The following ANK3 variants were observed in gnomAD, a reference collection of about 807,000 sequenced individuals.
ANK3 encodes ankyrin-3.
Under a neutral mutation model 370.9 loss-of-function variants are expected in ANK3, and 57 were observed. The observed-to-expected ratio is 0.15, with a 90% CI of 0.12 to 0.19. The LOEUF is 0.19. Ranked by LOEUF, ANK3 falls within the 10% of genes least tolerant of loss-of-function variation. The pLI, the probability that ANK3 is intolerant of heterozygous loss-of-function variation, is 1.00. For missense variants in ANK3, 4,439 were observed against 5,302.1 expected (o/e 0.84, Z 5.06); for synonymous variants, 1,929 against 1,946.3 (o/e 0.99, Z 0.23).
chr10:60,243,690 G>A (rs1484614386), intron 7 of ANK3, among the ~76,000 whole-genome samples: 1 of 152,178 alleles, frequency 6.6e-6, no homozygotes, highest in Non-Finnish European at 1.5e-5. Context: ...ACAATTAGAT[G>A]TTATATTATT....
chr10:60,597,682 T>C (rs906510229), intron 2 of ANK3, among the ~76,000 whole-genome samples: 17 of 152,200 alleles, frequency 1.1e-4, no homozygotes, highest in Admixed American at 9.2e-4. Flanking sequence ...AGAGTTTCAA[T>C]AGAGCTTTCT....
chr10:60,508,751 G>A (rs139172099), intron 2 of ANK3: 1 of 152,150 alleles, frequency 6.6e-6, no homozygotes, highest in Non-Finnish European at 1.5e-5. Context: ...AAATATAACT[G>A]TGTGGCCTTT....
chr10:60,236,379 G>A (rs1283451310), intron 7 of ANK3, among the ~76,000 whole-genome samples: 1 of 150,236 alleles, frequency 6.7e-6, no homozygotes, highest in Non-Finnish European at 1.5e-5. Flanking sequence ...CCATTAGTTT[G>A]CTCAAGTTGG....
intron 2 of ANK3, among the ~76,000 whole-genome samples, chr10:60,471,938 A>G (rs954222496): frequency 6.6e-6 from 1 of 152,124 alleles, no homozygotes; most frequent in Non-Finnish European, 1.5e-5. Context: ...AAAGGAGCCA[A>G]AAGCAGATTA....
chr10:60,278,286 A>G (rs1294789515), intron 4 of ANK3, among the ~76,000 whole-genome samples: 1 of 152,222 alleles, frequency 6.6e-6, no homozygotes, highest in Non-Finnish European at 1.5e-5. Flanking sequence ...GTCTATGACT[A>G]GTATCTTTTA....
At chr10:60,031,045 A>C (rs1481605950) in intron 43 of ANK3, among the ~76,000 whole-genome samples, 1 of 152,184 alleles carries the variant, frequency 6.6e-6, no homozygotes, top group Non-Finnish European at 1.5e-5. Context: ...ATGAGCAGAA[A>C]GGGCCAGAGA....
At chr10:60,501,700 T>C (rs1388288802) in intron 2 of ANK3, among the ~76,000 whole-genome samples, 1 of 125,782 alleles carries the variant, frequency 8.0e-6, no homozygotes, top group Non-Finnish European at 1.6e-5. Flanking sequence ...AGTGAGACTC[T>C]GTCTCAAAAA....
At chr10:60,390,796 GAA>G (rs71015790), upstream of ANK3, among the ~76,000 whole-genome samples, 36 of 145,264 alleles carry the variant, frequency 2.5e-4, 2 homozygotes, top group Admixed American at 4.1e-4. Context: ...AAATGAGTCA[GAA>G]AAAAAAAAAA....
At chr10:60,140,808 C>A in intron 23 of ANK3, 1 of 1,004,318 alleles carries the variant, frequency 1.0e-6, no homozygotes, top group Non-Finnish European at 1.2e-6. Context: ...AATTTGATAC[C>A]AATGCGCGTT....
At chr10:60,505,756 A>G (rs1280763403) in intron 2 of ANK3, among the ~76,000 whole-genome samples, 1 of 152,194 alleles carries the variant, frequency 6.6e-6, no homozygotes, top group Non-Finnish European at 1.5e-5. Flanking sequence ...AATTTCCAGC[A>G]TCTGTATTAA....
chr10:60,059,641 C>T, intron 40 of ANK3: 1 of 1,543,474 alleles, frequency 6.5e-7, no homozygotes. Context: ...CTAGGCTCTG[C>T]TGGTTTAACA....
chr10:60,068,920 A>G lies in ANK3; in HGVS notation c.11961T>C (p.Ser3987=), dbSNP rs368607611. The G allele has an allele frequency of 1.2e-6, 2 of 1,613,906 alleles. No individual in the cohort carries two copies. Among genetic ancestry groups the G allele is most frequent in the African/African-American group, 1.3e-5 (1 of 74,862 alleles). ...TTSCTVKVRK[S]QLKEVCKHSI... The stretch of plus-strand genomic sequence containing the variant: ...AATGTTTACATACTTCCTTGAGCTG[A>G]CTTTTCCTAACTTTAACTGTGCAGC... Residue 3987 remains serine, a synonymous_variant, in exon 37 of 44, where the codon AGT becomes AGC. Transcript: ENST00000280772.
Position 60,055,663 on chromosome 10 carries a change from G to GC in ANK3, c.13059dup (p.Gln4354AlafsTer8). On this transcript the variant is annotated frameshift_variant, in exon 42 of 44. Coordinates refer to ENST00000280772, the MANE Select transcript of ANK3 (RefSeq NM_020987.5). LOFTEE classifies it high-confidence loss of function. ...CGGATGACCAGATGACGTACCTTTT[G>GC]CTCAGACCCACTGGACCCCTCTTCT... 1 of 1,606,902 alleles carries GC rather than the reference G, an allele frequency of 6.2e-7. No homozygotes were observed. The highest frequency in any genetic ancestry group is 8.5e-7 in the Non-Finnish European group (1 of 1,177,728).
At chr10:60,704,465 A>C (rs2079585912) in intron 1 of ANK3, among the ~76,000 whole-genome samples, 1 of 152,226 alleles carries the variant, frequency 6.6e-6, no homozygotes, top group Non-Finnish European at 1.5e-5. Context: ...TTACACAAAA[A>C]AACAAGTATC....
intron 4 of ANK3, among the ~76,000 whole-genome samples, chr10:60,273,734 TGGGG>T (rs200263390): frequency 6.6e-6 from 1 of 151,876 alleles, no homozygotes; most frequent in Non-Finnish European, 1.5e-5. Flanking sequence ...AATTGAATCA[TGGGG>T]GGGGTTTCCC....
chr10:60,183,630 G>A lies in ANK3; in HGVS notation c.2086-2203C>T, dbSNP rs1326516538. Among the ~76,000 whole-genome samples, 8 of 152,132 alleles carry A rather than the reference G, an allele frequency of 5.3e-5. No homozygotes were observed. In the East Asian group the frequency reaches 9.7e-4, roughly 18 times the overall value. On this transcript the variant is annotated intron_variant, in intron 17 of 43. Coordinates refer to ENST00000280772, the MANE Select transcript of ANK3 (RefSeq NM_020987.5). ...TCCCAGCACTTTGGGAGGCCAAGGC[G>A]GACGGATCCCCTGAGGTTGGGAGTT...
chr10:60,315,701 TG>T (rs2047261801), intron 1 of ANK3, among the ~76,000 whole-genome samples: 1 of 152,104 alleles, frequency 6.6e-6, no homozygotes, highest in Non-Finnish European at 1.5e-5. Flanking sequence ...CCACAGGATT[TG>T]GGAAAGTTCA....
chr10:60,136,876 T>C (rs1427791588), intron 24 of ANK3, among the ~76,000 whole-genome samples: 1 of 152,184 alleles, frequency 6.6e-6, no homozygotes, highest in Non-Finnish European at 1.5e-5. Context: ...AAACATTAAA[T>C]TGTTTTCAAC....
At chr10:60,468,629 G>T (rs1369137640) in intron 2 of ANK3, among the ~76,000 whole-genome samples, 1 of 151,792 alleles carries the variant, frequency 6.6e-6, no homozygotes, top group African/African-American at 2.4e-5. Context: ...TTCTAGCCTG[G>T]TTTCCAGTCC....
Sources: allele counts gnomAD v4.1 joint callset (sites outside exome capture counted in the v4.1 genomes callset), GRCh38; gene constraint gnomAD v4.1.1; transcripts MANE v1.5; gene names NCBI Gene and HGNC (gene_info 2026-07-23, HGNC 2026-07-21).